Variants in ZFHX3 observed in about 807,000 individuals in gnomAD.
ZFHX3 encodes the protein zinc finger homeobox protein 3.
Under a neutral mutation model 279.1 loss-of-function variants are expected in ZFHX3, and 42 were observed. The observed-to-expected ratio is 0.15, with a 90% CI of 0.12 to 0.19. The LOEUF (loss-of-function observed/expected upper bound fraction) is 0.19. ZFHX3 is among the 10% of genes least tolerant of loss of function. The pLI is 1.00. For synonymous variants in ZFHX3, 2,293 were observed against 1,957.8 expected (o/e 1.17, Z -4.52); for missense variants, 4,981 against 4,754.0 (o/e 1.05, Z -1.40).
rs1246465372 is a variant in ZFHX3, at chr16:72,991,462, T to G, written c.-49-31268A>C. Among the ~76,000 whole-genome samples, 3 of 152,278 alleles carry G rather than the reference T, an allele frequency of 2.0e-5. No individual in the cohort carries two copies. The East Asian group carries it at 5.8e-4, about 29-fold the overall frequency. On this transcript the variant is annotated intron_variant, in intron 1 of 9. Coordinates refer to ENST00000268489, the MANE Select transcript of ZFHX3 (RefSeq NM_006885.4). ...CAGAGGCCATTTAACAGCAGCAAAT[T>G]TGCTACAGACTTTGGGCCTCAAGTT...
At chr16:73,056,803 G>T (rs1457227981) in intron 1 of ZFHX3, among the ~76,000 whole-genome samples, 1 of 152,056 alleles carries the variant, frequency 6.6e-6, no homozygotes, top group South Asian at 2.1e-4. Context: ...TTCTCCCCTC[G>T]CCCACTGCCC....
chr16:73,410,197 C>G (rs1378663831), intron 3 of ZFHX3, among the ~76,000 whole-genome samples: 1 of 152,132 alleles, frequency 6.6e-6, no homozygotes, highest in Non-Finnish European at 1.5e-5. Flanking sequence ...GGGTGGATCA[C>G]CTGAGGTCAG....
At chr16:73,544,670 A>G (rs1239461121) in intron 2 of ZFHX3, among the ~76,000 whole-genome samples, 1 of 152,140 alleles carries the variant, frequency 6.6e-6, no homozygotes, top group Non-Finnish European at 1.5e-5. Flanking sequence ...AAGAGACCAA[A>G]GATGCTTGTG....
chr16:73,017,778 G>T (rs7203014), intron 1 of ZFHX3, among the ~76,000 whole-genome samples: 1 of 151,864 alleles, frequency 6.6e-6, no homozygotes, highest in African/African-American at 2.4e-5. Flanking sequence ...GCTCTCTCTG[G>T]ACTAGGGCTA....
At chr16:73,190,885 A>AC (rs1311935955) in intron 5 of ZFHX3, among the ~76,000 whole-genome samples, 1 of 148,886 alleles carries the variant, frequency 6.7e-6, no homozygotes, top group Non-Finnish European at 1.5e-5. Flanking sequence ...AGGGAGAAGG[A>AC]TAGAGACCAG....
intron 6 of ZFHX3, among the ~76,000 whole-genome samples, chr16:73,142,849 G>A (rs1966851119): frequency 6.6e-6 from 1 of 152,192 alleles, no homozygotes; most frequent in Non-Finnish European, 1.5e-5. Flanking sequence ...TTCATGGATG[G>A]AGAAACTGAC....
In ZFHX3 at chr16:73,603,148, A is replaced by C. The variant is rs538325667; in HGVS notation, c.-1547+77032T>G. Among the ~76,000 whole-genome samples, 28 of 151,706 alleles carry C rather than the reference A, an allele frequency of 1.8e-4. 1 individual carries two copies. Among genetic ancestry groups the C allele is most frequent in the African/African-American group, 6.8e-4 (28 of 41,434 alleles). On this transcript the variant is annotated intron_variant, in intron 2 of 17. Coordinates refer to the ZFHX3 transcript ENST00000641206. ...AAAATACAAAAAATTAGCCGGGCGC[A>C]GTGGCGGGCGTCTGTAGTCCCAGCT...
chr16:73,282,963 C>G (rs529831721), intron 4 of ZFHX3, among the ~76,000 whole-genome samples: 1 of 152,246 alleles, frequency 6.6e-6, no homozygotes, highest in Non-Finnish European at 1.5e-5. Flanking sequence ...AGGGAAAAGC[C>G]TGTTAGGGAA....
At chr16:73,668,771 T>G (rs985464174) in intron 2 of ZFHX3, among the ~76,000 whole-genome samples, 1 of 152,086 alleles carries the variant, frequency 6.6e-6, no homozygotes, top group African/African-American at 2.4e-5. Context: ...CAGACACTTC[T>G]CAAAAGAAGA....
chr16:72,927,015 CCAG>C (rs1296389159), intron 3 of ZFHX3, among the ~76,000 whole-genome samples: 2 of 152,110 alleles, frequency 1.3e-5, no homozygotes, highest in Non-Finnish European at 2.9e-5. Context: ...GAGGAGAGTC[CCAG>C]CATAGGGGCT....
intron 5 of ZFHX3, among the ~76,000 whole-genome samples, chr16:73,248,104 G>T (rs2013357810): frequency 6.6e-6 from 1 of 151,892 alleles, no homozygotes; most frequent in Non-Finnish European, 1.5e-5. Flanking sequence ...ATATGTGCCT[G>T]TATGTGGAGT....
intron 2 of ZFHX3, among the ~76,000 whole-genome samples, chr16:73,592,605 G>A (rs1001206233): frequency 2.0e-5 from 3 of 152,160 alleles, no homozygotes; most frequent in Non-Finnish European, 2.9e-5. Context: ...TGAGGCAGGG[G>A]AGAGTAGGAG....
intron 3 of ZFHX3, among the ~76,000 whole-genome samples, chr16:73,419,696 C>T (rs1024184473): frequency 4.6e-5 from 7 of 151,712 alleles, no homozygotes; most frequent in African/African-American, 1.5e-4. Context: ...CTCCCACCTG[C>T]CTCAGCCTCT....
At chr16:72,945,985 A>G (rs983053277) in intron 3 of ZFHX3, among the ~76,000 whole-genome samples, 3 of 152,154 alleles carry the variant, frequency 2.0e-5, no homozygotes, top group Non-Finnish European at 1.5e-5. Flanking sequence ...GACTTCACCT[A>G]CATTTTCTGA....
intron 1 of ZFHX3, among the ~76,000 whole-genome samples, chr16:73,864,804 C>G (rs902644904): frequency 2.8e-5 from 1 of 35,136 alleles, no homozygotes; most frequent in African/African-American, 1.8e-4. Context: ...CATCCCAATA[C>G]CCAATAAAGT....
At chr16:73,810,363 A>G (rs144614437) in intron 1 of ZFHX3, among the ~76,000 whole-genome samples, 14 of 152,334 alleles carry the variant, frequency 9.2e-5, no homozygotes, top group African/African-American at 3.4e-4. Context: ...CTATTTGCAT[A>G]GAAAGTTTAC....
intron 1 of ZFHX3, among the ~76,000 whole-genome samples, chr16:73,803,906 C>A (rs907476334): frequency 6.6e-5 from 10 of 152,106 alleles, no homozygotes; most frequent in Admixed American, 1.3e-4. Context: ...ATGTCTGTAA[C>A]CCCAGCACTC....
At chr16:72,992,053 G>A (rs1228197240) in intron 1 of ZFHX3, among the ~76,000 whole-genome samples, 1 of 152,196 alleles carries the variant, frequency 6.6e-6, no homozygotes, top group African/African-American at 2.4e-5. Flanking sequence ...TGAGTTGGGG[G>A]CAGAGGGGTC....
At chr16:73,471,499 C>T (rs925240860) in intron 2 of ZFHX3, among the ~76,000 whole-genome samples, 1 of 152,110 alleles carries the variant, frequency 6.6e-6, no homozygotes, top group Non-Finnish European at 1.5e-5. Flanking sequence ...ACCTCCACCT[C>T]CCAGGTTCAA....
Sources: allele counts gnomAD v4.1 joint callset (sites outside exome capture counted in the v4.1 genomes callset), GRCh38; gene constraint gnomAD v4.1.1; transcripts MANE v1.5; gene names NCBI Gene and HGNC (gene_info 2026-07-23, HGNC 2026-07-21).